Variants in SORBS2 observed in about 807,000 individuals in gnomAD.
The protein encoded by SORBS2 is sorbin and SH3 domain containing 2.
SORBS2 carries 46 observed loss-of-function variants against 97.7 expected under a neutral mutation model. The ratio of observed to expected loss-of-function variants is 0.47; its 90% CI spans 0.37 to 0.60. SORBS2 has a LOEUF of 0.60. Ranked by LOEUF, SORBS2 falls within the 20% of genes least tolerant of loss-of-function variation. SORBS2 has a pLI of 0.00. For synonymous variants in SORBS2, 476 were observed against 473.4 expected (o/e 1.01, Z -0.07); for missense variants, 1,316 against 1,282.3 (o/e 1.03, Z -0.40).
chr4:185,656,864 C>A, exon 1 of SORBS2: 1 of 1,308,792 alleles, frequency 7.6e-7, no homozygotes, highest in Non-Finnish European at 9.7e-7. Context: ...TCAGCAGGCA[C>A]GGCTGAAGAG....
intron 1 of SORBS2, among the ~76,000 whole-genome samples, chr4:185,917,466 G>A (rs913294099): frequency 3.9e-5 from 6 of 152,074 alleles, no homozygotes; most frequent in African/African-American, 9.7e-5. Flanking sequence ...GTCCTCGAGG[G>A]ATCCACCTGC....
intron 2 of SORBS2, chr4:185,710,012 G>C (rs543650646): frequency 1.2e-4 from 18 of 152,270 alleles, no homozygotes; most frequent in African/African-American, 4.3e-4. Flanking sequence ...TAAGGAGAGG[G>C]ACAAAGTCAC....
chr4:185,929,972 TAAGAA>T (rs1189824272), intron 1 of SORBS2, among the ~76,000 whole-genome samples: 1 of 152,142 alleles, frequency 6.6e-6, no homozygotes, highest in African/African-American at 2.4e-5. Flanking sequence ...AAAATGGAGA[TAAGAA>T]AAGAAATGAC....
intron 1 of SORBS2, among the ~76,000 whole-genome samples, chr4:185,953,045 T>A (rs1401206653): frequency 6.6e-6 from 1 of 152,202 alleles, no homozygotes; most frequent in Non-Finnish European, 1.5e-5. Flanking sequence ...CCGGGCGCGG[T>A]GGCTCACGCC....
chr4:185,887,827 C>T (rs1311522315), intron 1 of SORBS2, among the ~76,000 whole-genome samples: 1 of 152,016 alleles, frequency 6.6e-6, no homozygotes, highest in Admixed American at 6.5e-5. Flanking sequence ...TTCTTAATAA[C>T]AAATTATCCA....
chr4:185,928,772 T>TGACCTCGTGATCC, intron 1 of SORBS2, among the ~76,000 whole-genome samples: 1 of 152,164 alleles, frequency 6.6e-6, no homozygotes, highest in African/African-American at 2.4e-5. Context: ...GGTCTTGATC[T>TGACCTCGTGATCC]CCTGACCTCG....
At chr4:185,948,231 T>C (rs1259178013) in intron 1 of SORBS2, among the ~76,000 whole-genome samples, 2 of 152,180 alleles carry the variant, frequency 1.3e-5, no homozygotes, top group Non-Finnish European at 2.9e-5. Context: ...ACCATCCTGG[T>C]TTAAGCTTGG....
chr4:185,610,568 G>C (rs2096519385), intron 12 of SORBS2, among the ~76,000 whole-genome samples: 1 of 152,092 alleles, frequency 6.6e-6, no homozygotes, highest in African/African-American at 2.4e-5. Context: ...CAAGACTTCA[G>C]CCTTCTAAAA....
At chr4:185,813,816 C>T (rs542541595) in intron 1 of SORBS2, among the ~76,000 whole-genome samples, 32 of 152,268 alleles carry the variant, frequency 2.1e-4, no homozygotes, top group East Asian at 1.4e-3. Context: ...TCCCCTGTAC[C>T]GGGGTCCACC....
At chr4:185,910,943 T>C (rs1189166810) in intron 1 of SORBS2, among the ~76,000 whole-genome samples, 1 of 151,810 alleles carries the variant, frequency 6.6e-6, no homozygotes, top group Admixed American at 6.6e-5. Context: ...TTATATACAA[T>C]GCGGTGTTTG....
intron 2 of SORBS2, among the ~76,000 whole-genome samples, chr4:185,690,017 G>A (rs1466202378): frequency 6.6e-6 from 1 of 152,218 alleles, no homozygotes; most frequent in African/African-American, 2.4e-5. Flanking sequence ...CAGTTAAAAT[G>A]TAGACAATAC....
rs553173968 is a variant in SORBS2, at chr4:185,941,802, T to C, written c.-338+14394A>G. On this transcript the variant is annotated intron_variant, in intron 1 of 20. Transcript: ENST00000284776. ...TAGAGATTACAGCTTTCAAATTATT[T>C]ATTTTACATGTAAGAAAAGTAAGAC... Among the ~76,000 whole-genome samples the C allele has an allele frequency of 6.6e-5, 10 of 152,308 alleles. No homozygotes were observed. In the South Asian group the frequency reaches 1.7e-3, roughly 25 times the overall value.
At chr4:185,641,498 C>G (rs571382616) in intron 4 of SORBS2, among the ~76,000 whole-genome samples, 1 of 152,078 alleles carries the variant, frequency 6.6e-6, no homozygotes, top group Non-Finnish European at 1.5e-5. Flanking sequence ...AACACAGAAG[C>G]CTCGCAACAG....
intron 1 of SORBS2, among the ~76,000 whole-genome samples, chr4:185,903,624 T>C (rs982728702): frequency 6.6e-6 from 1 of 152,140 alleles, no homozygotes; most frequent in Non-Finnish European, 1.5e-5. Context: ...CGTTAAATAA[T>C]GAAATAATTG....
At chr4:185,808,269 T>G (rs2099165158) in intron 1 of SORBS2, among the ~76,000 whole-genome samples, 1 of 152,146 alleles carries the variant, frequency 6.6e-6, no homozygotes, top group East Asian at 1.9e-4. Flanking sequence ...TTCCTAAATA[T>G]TTTACTTTCT....
intron 2 of SORBS2, among the ~76,000 whole-genome samples, chr4:185,739,061 T>C (rs939164347): frequency 7.2e-5 from 11 of 152,368 alleles, no homozygotes; most frequent in African/African-American, 2.6e-4. Flanking sequence ...TCAAGGTTCA[T>C]AGCAAGTGAA....
intron 1 of SORBS2, among the ~76,000 whole-genome samples, chr4:185,891,825 G>A (rs903344639): frequency 1.3e-5 from 2 of 152,126 alleles, no homozygotes; most frequent in African/African-American, 4.8e-5. Flanking sequence ...AGCCCATCAG[G>A]TGGTTACAAT....
intron 12 of SORBS2, among the ~76,000 whole-genome samples, chr4:185,605,335 T>G (rs527802959): frequency 6.6e-6 from 1 of 152,258 alleles, no homozygotes; most frequent in African/African-American, 2.4e-5. Flanking sequence ...CAGAACGGAG[T>G]GCAGTGGCAC....
intron 1 of SORBS2, among the ~76,000 whole-genome samples, chr4:185,935,188 T>G (rs553197124): frequency 1.3e-5 from 2 of 152,322 alleles, no homozygotes; most frequent in Non-Finnish European, 2.9e-5. Context: ...CGATCCAAAT[T>G]CAATAACTGA....
Sources: allele counts gnomAD v4.1 joint callset (sites outside exome capture counted in the v4.1 genomes callset), GRCh38; gene constraint gnomAD v4.1.1; transcripts MANE v1.5; gene names NCBI Gene and HGNC (gene_info 2026-07-23, HGNC 2026-07-21).